MBNL1: variants seen among roughly 807,000 people sequenced by gnomAD.
MBNL1 encodes muscleblind-like protein 1.
A neutral mutation model predicts 42.2 loss-of-function variants in MBNL1; 8 were observed. The ratio of observed to expected loss-of-function variants is 0.19; its 90% CI spans 0.11 to 0.34. The LOEUF is 0.34. Ranked by LOEUF, MBNL1 falls within the 10% of genes least tolerant of loss-of-function variation. The probability of loss-of-function intolerance (pLI) is 1.00; values close to 1 mark genes in which losing one functional copy is unlikely to be tolerated. For synonymous variants in MBNL1, 169 were observed against 173.9 expected (o/e 0.97, Z 0.22); for missense variants, 309 against 495.3 (o/e 0.62, Z 3.57).
rs375804486 is a variant in MBNL1 at position 152,336,859 on chromosome 3, C to G, written c.174+36492C>G. Among the ~76,000 whole-genome samples, 7 of 152,136 alleles carry G rather than the reference C, an allele frequency of 4.6e-5. No homozygotes were observed. The South Asian group carries it at 1.2e-3, about 27-fold the overall frequency. ...TGTTACTATTTTAGTTACCTTAGAA[C>G]TAAATACCTTGGAATAGAAGAAATT... On this transcript the variant is annotated intron_variant, in intron 2 of 9. Transcript: ENST00000324210.
intron 2 of MBNL1, among the ~76,000 whole-genome samples, chr3:152,310,775 C>G (rs549250963): frequency 6.6e-6 from 1 of 151,460 alleles, no homozygotes; most frequent in East Asian, 1.9e-4. Flanking sequence ...TAAGTCATGC[C>G]GCAGACAGGA....
intron 8 of MBNL1, chr3:152,458,223 C>T (rs772763936): frequency 1.1e-5 from 18 of 1,602,880 alleles, no homozygotes; most frequent in Non-Finnish European, 1.5e-5. Context: ...GCTTGGAGCA[C>T]ATTTTCGTGC....
chr3:152,420,762 A>C (rs1041373678), intron 3 of MBNL1, among the ~76,000 whole-genome samples: 9 of 152,238 alleles, frequency 5.9e-5, no homozygotes, highest in African/African-American at 2.2e-4. Context: ...CTGGACAGAA[A>C]GTGAGTTTGA....
intron 2 of MBNL1, among the ~76,000 whole-genome samples, chr3:152,333,294 C>T (rs2086654928): frequency 6.6e-6 from 1 of 152,080 alleles, no homozygotes; most frequent in Non-Finnish European, 1.5e-5. Flanking sequence ...ATCTGAGAAT[C>T]ACATAAAATG....
At chr3:152,352,239 C>A (rs1029764334) in intron 2 of MBNL1, among the ~76,000 whole-genome samples, 1 of 152,034 alleles carries the variant, frequency 6.6e-6, no homozygotes, top group Admixed American at 6.6e-5. Flanking sequence ...AAAATATGGC[C>A]GATGACAGCT....
chr3:152,431,454 G>T (rs970971584), intron 3 of MBNL1, among the ~76,000 whole-genome samples: 1 of 152,064 alleles, frequency 6.6e-6, no homozygotes, highest in African/African-American at 2.4e-5. Context: ...AATTACATTT[G>T]TAATATATAC....
At position 152,465,717 on chromosome 3, in the gene MBNL1, G is replaced by C. The variant is rs1801771; in HGVS notation, c.*3351G>C. 1.3e-5 allele frequency: 2 copies of C among 152,492 alleles called. No homozygotes were observed. The highest frequency in any genetic ancestry group is 2.9e-5 in the Non-Finnish European group (2 of 68,016). The allele number at this position is 152,492 out of a possible 1,614,324, so 9.4% of individuals were successfully genotyped here. On this transcript the variant is annotated 3_prime_UTR_variant, in exon 10 of 10. Coordinates refer to ENST00000324210, the MANE Select transcript of MBNL1 (RefSeq NM_021038.5). ...TGCTTATTTTATTATTACTGCAGTA[G>C]TTGACTTTGCTGTATGGAAAAATAA... is the stretch of plus-strand genomic sequence containing the variant.
chr3:152,325,680 G>A (rs2152491076), intron 2 of MBNL1, among the ~76,000 whole-genome samples: 1 of 150,226 alleles, frequency 6.7e-6, no homozygotes, highest in South Asian at 2.1e-4. Context: ...AGGTTATCTA[G>A]GCCAGATTGT....
Position 152,447,780 on chromosome 3 carries a change from G to A in MBNL1, c.961+7G>A, listed in dbSNP as rs1459228628. ...ACAGCATTTCTCCCACCAGGTAAGG[G>A]GTGGGGTTTCTTAATAAATGAATCT... On this transcript the variant is annotated splice_region_variant and intron_variant, in intron 6 of 9. Coordinates refer to ENST00000324210, the MANE Select transcript of MBNL1 (RefSeq NM_021038.5). 1 of 1,611,696 alleles carries A rather than the reference G, an allele frequency of 6.2e-7. No individual in the cohort carries two copies. The highest frequency in any genetic ancestry group is 8.5e-7 in the Non-Finnish European group (1 of 1,178,556).
chr3:152,310,776 G>T (rs1481627931), intron 2 of MBNL1, among the ~76,000 whole-genome samples: 2 of 151,888 alleles, frequency 1.3e-5, no homozygotes, highest in Non-Finnish European at 2.9e-5. Flanking sequence ...AAGTCATGCC[G>T]CAGACAGGAT....
Position 152,449,580 on chromosome 3 carries a change from T to G in MBNL1, c.961+1807T>G, listed in dbSNP as rs1250809974. 2.6e-5 allele frequency among the ~76,000 whole-genome samples: 4 copies of G among 152,218 alleles called. No individual in the cohort carries two copies. In the East Asian group the frequency reaches 7.7e-4, roughly 29 times the overall value. ...CTTACTTGTGACACTAGTGTCTCCC[T>G]AGAATAGCTTTTTGTCTGTGGATAG... On this transcript the variant is annotated intron_variant, in intron 6 of 9. Coordinates refer to ENST00000324210, the MANE Select transcript of MBNL1 (RefSeq NM_021038.5).
intron 2 of MBNL1, among the ~76,000 whole-genome samples, chr3:152,254,586 G>T (rs2035177325): frequency 6.6e-6 from 1 of 151,682 alleles, no homozygotes; most frequent in African/African-American, 2.4e-5. Flanking sequence ...TTCTATTTTT[G>T]ATCTTGAAAT....
chr3:152,402,783 T>A (rs1005957951), intron 2 of MBNL1, among the ~76,000 whole-genome samples: 2 of 152,108 alleles, frequency 1.3e-5, no homozygotes, highest in African/African-American at 4.8e-5. Flanking sequence ...AAAAGGAATG[T>A]TTGAGAGCTG....
chr3:152,446,293 A>G (rs769190222), intron 5 of MBNL1, among the ~76,000 whole-genome samples: 2 of 152,170 alleles, frequency 1.3e-5, no homozygotes, highest in Non-Finnish European at 2.9e-5. Context: ...ACTTAAATCA[A>G]TGAAATACTC....
At chr3:152,250,461 A>C (rs1034629813) in intron 2 of MBNL1, among the ~76,000 whole-genome samples, 11 of 151,954 alleles carry the variant, frequency 7.2e-5, no homozygotes, top group Non-Finnish European at 1.6e-4. Flanking sequence ...ATTTTTGTGC[A>C]TTGATTTTGT....
chr3:152,376,911 A>G (rs1001127873), intron 2 of MBNL1, among the ~76,000 whole-genome samples: 3 of 152,090 alleles, frequency 2.0e-5, no homozygotes, highest in African/African-American at 7.2e-5. Context: ...ATTTTTTGCT[A>G]GTTTCATTTC....
intron 4 of MBNL1, among the ~76,000 whole-genome samples, chr3:152,441,191 A>G (rs933137725): frequency 2.0e-5 from 3 of 152,176 alleles, no homozygotes; most frequent in Non-Finnish European, 2.9e-5. Context: ...AATAAATTCA[A>G]ATATTGACAT....
chr3:152,414,836 A>G (rs1171398205), intron 2 of MBNL1, 105 bp from the exon 3 acceptor site: 1 of 1,126,514 alleles, frequency 8.9e-7, no homozygotes, highest in Non-Finnish European at 1.3e-6. Context: ...GCATTGTGTG[A>G]AAAACCAATG....
chr3:152,277,114 T>C (rs2045687603), intron 1 of MBNL1, among the ~76,000 whole-genome samples: 1 of 152,190 alleles, frequency 6.6e-6, no homozygotes, highest in South Asian at 2.1e-4. Flanking sequence ...GAAAAACATT[T>C]AAAATTGTAT....
Sources: gnomAD v4.1 joint callset for allele counts (sites outside exome capture counted in the v4.1 genomes callset) on GRCh38, gnomAD v4.1.1 for gene constraint, MANE v1.5 for transcripts, NCBI Gene and HGNC (gene_info 2026-07-23, HGNC 2026-07-21) for gene names.